CUX1: variants seen among roughly 807,000 people sequenced by gnomAD.
CUX1 encodes cut like homeobox 1.
In CUX1, 31 loss-of-function variants were observed where a neutral mutation model predicts 158.8. The ratio of observed to expected loss-of-function variants is 0.20; its 90% CI spans 0.15 to 0.26. The LOEUF (loss-of-function observed/expected upper bound fraction) is 0.26, where lower values mean the gene tolerates loss of function less well. Ranked by LOEUF, CUX1 falls within the 10% of genes least tolerant of loss-of-function variation. CUX1 has a pLI of 1.00. For missense variants in CUX1, 1,589 were observed against 2,014.6 expected, an observed-to-expected ratio of 0.79 and a Z score of 4.04; for synonymous variants, 879 against 862.1, an observed-to-expected ratio of 1.02 and a Z score of -0.34.
At chr7:101,817,518 C>T, upstream of CUX1, 1 of 1,178,438 alleles carries the variant, frequency 8.5e-7, no homozygotes, top group Non-Finnish European at 1.0e-6. The surrounding 1 kb of genome is among the most constrained non-coding windows in gnomAD (Gnocchi z 4.1). Context: ...CCGCCGTGCC[C>T]AAGGGGCGAG....
intron 3 of CUX1, among the ~76,000 whole-genome samples, chr7:102,063,928 A>G (rs2130444593): frequency 6.6e-6 from 1 of 152,316 alleles, no homozygotes; most frequent in African/African-American, 2.4e-5. Flanking sequence ...ACTCCAGGAC[A>G]GCCCCAGGTG....
chr7:102,025,796 A>G (rs1819950409), intron 2 of CUX1, among the ~76,000 whole-genome samples: 1 of 152,208 alleles, frequency 6.6e-6, no homozygotes, highest in African/African-American at 2.4e-5. Context: ...TATAGTTAAA[A>G]GGGAAATTAT....
At chr7:102,004,879 G>A (rs995073962) in intron 2 of CUX1, among the ~76,000 whole-genome samples, 2 of 152,224 alleles carry the variant, frequency 1.3e-5, no homozygotes, top group African/African-American at 4.8e-5. Context: ...AGTCTTGACG[G>A]AGAAAGAGGC....
chr7:101,816,364 C>G (rs1051999424), upstream of CUX1, among the ~76,000 whole-genome samples: 12 of 144,492 alleles, frequency 8.3e-5, 1 homozygote, highest in Admixed American at 8.2e-4. Context: ...CCACCACTGC[C>G]CCCGGTGTCT....
At chr7:102,178,790 A>G in intron 11 of CUX1, 133 bp downstream of exon 11, 1 of 947,132 alleles carries the variant, frequency 1.1e-6, no homozygotes, top group Admixed American at 2.6e-5. Flanking sequence ...GTAAAGTAGC[A>G]CCAAGCAGAG....
intron 20 of CUX1, among the ~76,000 whole-genome samples, chr7:102,222,862 C>T: frequency 8.8e-6 from 1 of 113,694 alleles, no homozygotes; most frequent in Admixed American, 1.1e-4. Flanking sequence ...CTCTGTTGCC[C>T]AGGCTGGAAT....
intron 10 of CUX1, among the ~76,000 whole-genome samples, chr7:102,174,672 G>A (rs530880987): frequency 2.0e-5 from 3 of 152,328 alleles, no homozygotes; most frequent in African/African-American, 7.2e-5. Context: ...TGGGCCAGGC[G>A]CAGTGGCTCA....
At chr7:102,185,607 GTT>G (rs1241609724) in intron 11 of CUX1, among the ~76,000 whole-genome samples, 1 of 137,672 alleles carries the variant, frequency 7.3e-6, no homozygotes, top group Admixed American at 7.3e-5. Flanking sequence ...TTTTTTTTTT[GTT>G]TTTTTTTTTT....
chr7:101,818,813 G>A (rs1451880320), intron 1 of CUX1: 2 of 152,206 alleles, frequency 1.3e-5, no homozygotes, highest in South Asian at 2.1e-4. Context: ...AATTCCCACC[G>A]ATAGTCAGTG....
At chr7:102,028,182 C>T in intron 3 of CUX1, 37 bp downstream of exon 3, 2 of 1,600,722 alleles carry the variant, frequency 1.2e-6, no homozygotes, top group East Asian at 2.2e-5. Flanking sequence ...CTGAGCCACC[C>T]TTCGTGGCTA....
intron 3 of CUX1, among the ~76,000 whole-genome samples, chr7:102,030,278 C>G (rs1820575131): frequency 6.6e-6 from 1 of 152,180 alleles, no homozygotes; most frequent in African/African-American, 2.4e-5. Context: ...TCCCAAAGTG[C>G]TGGGATTACA....
At chr7:102,003,015 C>T (rs1563116143) in intron 2 of CUX1, among the ~76,000 whole-genome samples, 1 of 152,138 alleles carries the variant, frequency 6.6e-6, no homozygotes, top group Non-Finnish European at 1.5e-5. Context: ...AATTCTCCTG[C>T]CTCTGCCTCC....
intron 22 of CUX1, among the ~76,000 whole-genome samples, chr7:102,236,726 C>T (rs1799606426): frequency 6.6e-6 from 1 of 152,158 alleles, no homozygotes; most frequent in Non-Finnish European, 1.5e-5. Flanking sequence ...AGCCCTCAGC[C>T]CTTAGGAGGG....
At chr7:101,993,368 C>T (rs866886893) in intron 2 of CUX1, among the ~76,000 whole-genome samples, 3 of 152,240 alleles carry the variant, frequency 2.0e-5, no homozygotes, top group South Asian at 2.1e-4. Flanking sequence ...GATAACAAGG[C>T]GTGCTGGAGA....
intron 1 of CUX1, among the ~76,000 whole-genome samples, chr7:101,896,686 T>G (rs1801555162): frequency 6.6e-6 from 1 of 152,208 alleles, no homozygotes; most frequent in Non-Finnish European, 1.5e-5. Flanking sequence ...ACTTGATGAA[T>G]TCTCAGTCAT....
chr7:102,218,167 CTT>C (rs1335462201), intron 20 of CUX1, among the ~76,000 whole-genome samples: 3 of 152,344 alleles, frequency 2.0e-5, no homozygotes, highest in African/African-American at 4.8e-5. Flanking sequence ...GTCCCAGACT[CTT>C]TGTTTGAGTG....
In CUX1 at chr7:102,007,808, G is replaced by A. The variant is rs374541954; in HGVS notation, c.142-20290G>A. Among the ~76,000 whole-genome samples, 13 of 151,382 alleles carry A rather than the reference G, an allele frequency of 8.6e-5. 1 individual carries two copies. Among genetic ancestry groups the A allele is most frequent in the Non-Finnish European group, 1.5e-4 (10 of 67,874 alleles). Reference sequence around the variant, plus strand: ...CACCCAGGCTGGAGTGCAGTGGTGCGATCTCGGCTCACTGCAACCTCCGCC... The same window carrying A: ...CACCCAGGCTGGAGTGCAGTGGTGCAATCTCGGCTCACTGCAACCTCCGCC... On this transcript the variant is annotated intron_variant, in intron 2 of 23. Transcript: ENST00000292535.
intron 2 of CUX1, among the ~76,000 whole-genome samples, chr7:101,997,925 C>T (rs889088654): frequency 6.6e-6 from 1 of 152,224 alleles, no homozygotes; most frequent in Non-Finnish European, 1.5e-5. Flanking sequence ...ACAGAGCAGT[C>T]CTTGCTGGCC....
chr7:102,045,424 G>C (rs1382500685), intron 3 of CUX1, among the ~76,000 whole-genome samples: 1 of 152,258 alleles, frequency 6.6e-6, no homozygotes, highest in Non-Finnish European at 1.5e-5. Flanking sequence ...CCACTGCCGG[G>C]TGCCACTGCG....
Sources: allele counts gnomAD v4.1 joint callset (sites outside exome capture counted in the v4.1 genomes callset), GRCh38; gene constraint gnomAD v4.1.1; non-coding constraint Gnocchi (gnomAD v3.1); transcripts MANE v1.5; gene names NCBI Gene and HGNC (gene_info 2026-07-23, HGNC 2026-07-21).